The following SSC5D variants were observed in gnomAD, a reference collection of about 807,000 sequenced individuals.
SSC5D encodes the protein scavenger receptor cysteine rich family member with 5 domains.
Under a neutral mutation model 104.6 loss-of-function variants are expected in SSC5D, and 106 were observed. The observed-to-expected ratio is 1.01, with a 90% CI of 0.87 to 1.19. The LOEUF is 1.19. SSC5D is among the 50% of genes most tolerant of loss of function. The probability of loss-of-function intolerance (pLI) is 0.00; values close to 1 mark genes in which losing one functional copy is unlikely to be tolerated. For missense variants in SSC5D, 1,993 were observed against 2,153.8 expected (o/e 0.93, Z 1.48); for synonymous variants, 860 against 883.5 (o/e 0.97, Z 0.47).
chr19:55,490,240 C>G (rs1005896693), intron 4 of SSC5D, 58 bp from the exon 5 acceptor site: 33 of 673,292 alleles, frequency 4.9e-5, no homozygotes, highest in Middle Eastern at 6.2e-4. Context: ...CCTGGGCCCC[C>G]AGGTGGGAGG....
In SSC5D at chr19:55,503,901, T is replaced by A. The variant is rs571530424; in HGVS notation, c.2785+2700T>A. Among the ~76,000 whole-genome samples the A allele has an allele frequency of 1.3e-5, 2 of 152,342 alleles. No homozygotes were observed. Among genetic ancestry groups the A allele is most frequent in the African/African-American group, 4.8e-5 (2 of 41,586 alleles). The stretch of plus-strand genomic sequence containing the variant: ...GGACGGGATGGGGCAGGCGTTCATC[T>A]GCCTCGCACCTCGTGACGTCACAGG... On this transcript the variant is annotated intron_variant, in intron 12 of 13. Coordinates refer to ENST00000389623, the MANE Select transcript of SSC5D (RefSeq NM_001144950.2). This position sits in a 1 kb window ranked among gnomAD's most constrained non-coding sequence, Gnocchi z 4.0.
rs113708202 is a variant in SSC5D at position 55,516,063 on chromosome 19, G to T, written c.2948-1161G>T. Among the ~76,000 whole-genome samples, 1,515 of 152,068 alleles carry T rather than the reference G, an allele frequency of 1.0e-2. 23 individuals carry two copies. The highest frequency in any genetic ancestry group is 0.035 in the African/African-American group (1,447 of 41,418). ...GAAGACAGCCCCAGAAGAGGGTCAGGCTCCTCCTGCTACTCAGGCCCAAAA... is the reference window on the plus strand; with the variant it reads ...GAAGACAGCCCCAGAAGAGGGTCAGTCTCCTCCTGCTACTCAGGCCCAAAA... On this transcript the variant is annotated intron_variant, in intron 13 of 13. Coordinates refer to ENST00000389623, the MANE Select transcript of SSC5D (RefSeq NM_001144950.2).
In SSC5D at chr19:55,503,127, G is replaced by C. The variant is rs912043617; in HGVS notation, c.2785+1926G>C. On this transcript the variant is annotated intron_variant, in intron 12 of 13. Transcript: ENST00000389623. The surrounding 1 kb of genome is among the most constrained non-coding windows in gnomAD (Gnocchi z 4.0). Reference sequence around the variant, plus strand: ...TGCTCCCGGCCTGATTTTTTGTCGAGATGGGTTCTCACTATGTTGCCCAGG... The same window carrying C: ...TGCTCCCGGCCTGATTTTTTGTCGACATGGGTTCTCACTATGTTGCCCAGG... Among the ~76,000 whole-genome samples, 5 of 151,990 alleles carry C rather than the reference G, an allele frequency of 3.3e-5. No homozygotes were observed. The highest frequency in any genetic ancestry group is 6.6e-5 in the Admixed American group (1 of 15,246).
rs1299187923 is a variant in SSC5D at position 55,490,904 on chromosome 19, G to A, written c.719G>A (p.Gly240Asp). 1 of 1,545,588 alleles carries A rather than the reference G, an allele frequency of 6.5e-7. No homozygotes were observed. The highest frequency in any genetic ancestry group is 1.7e-4 in the Middle Eastern group (1 of 5,964). The change falls in exon 6 of 14, where the codon GGC becomes GAC. Residue 240 changes from glycine (G) to aspartate (D), a missense_variant. Transcript: ENST00000389623. Reference sequence around the variant, plus strand: ...GCTGCTGTAGCCTGCCGGGAACTGGGCTGTGGGGGGGCGCTGGCTGCCCCC... The same window carrying A: ...GCTGCTGTAGCCTGCCGGGAACTGGACTGTGGGGGGGCGCTGGCTGCCCCC... Reference protein sequence around the residue: ...RDAAVACRELGCGGALAAPGG... With the variant: ...RDAAVACRELDCGGALAAPGG...
intron 12 of SSC5D, chr19:55,504,182 C>T (rs1032336851): frequency 1.3e-6 from 2 of 1,535,056 alleles, no homozygotes; most frequent in East Asian, 4.9e-5. Flanking sequence ...GCAGCGCCTC[C>T]CTAGCCCATA....
At position 55,503,999 on chromosome 19, in the gene SSC5D, C is replaced by T. The variant is rs1987579125; in HGVS notation, c.2785+2798C>T. 7.0e-6 allele frequency: 7 copies of T among 1,001,186 alleles called. 1 individual carries two copies. Among genetic ancestry groups the T allele is most frequent in the East Asian group, 5.6e-5 (2 of 35,408 alleles). 62.0% of individuals were successfully genotyped at this position (1,001,186 alleles called of 1,614,324 possible). On this transcript the variant is annotated intron_variant, in intron 12 of 13. Transcript: ENST00000389623. The surrounding 1 kb of genome is among the most constrained non-coding windows in gnomAD (Gnocchi z 4.0). Reference sequence around the variant, plus strand: ...AATAGCTGGGCGAAGGGCAACCAGGCCCCAAGAAGCGGGCCTTGAGGTGGG... The same window carrying T: ...AATAGCTGGGCGAAGGGCAACCAGGTCCCAAGAAGCGGGCCTTGAGGTGGG...
Position 55,518,121 on chromosome 19 carries a change from A to G in SSC5D, c.3845A>G (p.His1282Arg), listed in dbSNP as rs945295246. 1 of 1,410,942 alleles carries G rather than the reference A, an allele frequency of 7.1e-7. No homozygotes were observed. Among genetic ancestry groups the G allele is most frequent in the Non-Finnish European group, 9.4e-7 (1 of 1,061,696 alleles). The allele number at this position is 1,410,942 out of a possible 1,614,324, so 87.4% of individuals were successfully genotyped here. The change falls in exon 14 of 14, where the codon CAC (histidine) becomes CGC (arginine). Residue 1282 changes from histidine (H) to arginine (R), a missense_variant. Around this residue, in one of 6 missense-constraint regions of SSC5D, gnomAD observed 349 missense variants for 397.6 expected, o/e 0.88. Transcript: ENST00000389623. The part of the protein sequence containing the change: ...TTMPHPTTTP[H>R]PTTTPHPTTT... The stretch of plus-strand genomic sequence containing the variant: ...ATGCCTCATCCCACCACGACCCCTC[A>G]CCCCACCACGACTCCTCACCCCACC...
rs200326882 is a variant in SSC5D, at chr19:55,489,872, C to G, written c.362-10C>G. 61 of 1,547,642 alleles carry G rather than the reference C, an allele frequency of 3.9e-5. No homozygotes were observed. The highest frequency in any genetic ancestry group is 1.7e-4 in the Middle Eastern group (1 of 6,010). ...TCCTCATAGCTTCTGTCCCTGCCCCCCCGCCGCAGGTCAGCGTGTGGCTAA... is the reference window on the plus strand; with the variant it reads ...TCCTCATAGCTTCTGTCCCTGCCCCGCCGCCGCAGGTCAGCGTGTGGCTAA... On this transcript the variant is annotated splice_polypyrimidine_tract_variant and intron_variant, in intron 3 of 13. Transcript: ENST00000389623.
chr19:55,504,831 C>T (rs542930344), intron 12 of SSC5D, among the ~76,000 whole-genome samples: 1 of 152,212 alleles, frequency 6.6e-6, no homozygotes, highest in South Asian at 2.1e-4. Flanking sequence ...AATGGGGCGC[C>T]AGGGTTGTTG....
chr19:55,515,933 C>G (rs2123459916), intron 13 of SSC5D, among the ~76,000 whole-genome samples: 1 of 152,094 alleles, frequency 6.6e-6, no homozygotes, highest in African/African-American at 2.4e-5. Flanking sequence ...CAAGTCTTAG[C>G]CCTGCAACTT....
rs546315942 is a variant in SSC5D, at chr19:55,494,957, G to A, written c.1387+174G>A. Among the ~76,000 whole-genome samples the A allele has an allele frequency of 2.6e-5, 4 of 152,146 alleles. No individual in the cohort carries two copies. The East Asian group carries it at 7.7e-4, about 29-fold the overall frequency. ...CAATGCTCTGCTGTTGCGTCTGGGA[G>A]CGTGTGATAATTCTTGAACAAGGGG... On this transcript the variant is annotated intron_variant, in intron 8 of 13. Transcript: ENST00000389623.
intron 13 of SSC5D, 98 bp from the exon 14 acceptor site, chr19:55,517,126 C>A: frequency 8.7e-7 from 1 of 1,149,410 alleles, no homozygotes; most frequent in Non-Finnish European, 1.2e-6. Flanking sequence ...AGGCTCTGTG[C>A]CTTTCCATTG....
chr19:55,509,180 C>T (rs1287573464), intron 12 of SSC5D, among the ~76,000 whole-genome samples: 1 of 152,158 alleles, frequency 6.6e-6, no homozygotes, highest in Non-Finnish European at 1.5e-5. Flanking sequence ...TCAGTTTGGC[C>T]ATCTTTGTGA....
At chr19:55,489,079 TC>T in intron 2 of SSC5D, 47 bp downstream of exon 2, 7 of 714,784 alleles carry the variant, frequency 9.8e-6, no homozygotes, top group Non-Finnish European at 1.1e-5. Flanking sequence ...CCCCCAGGCC[TC>T]CCCCTTCTGC....
chr19:55,514,709 T>C (rs191090608), intron 13 of SSC5D, among the ~76,000 whole-genome samples: 2 of 152,002 alleles, frequency 1.3e-5, no homozygotes, highest in Admixed American at 6.5e-5. Flanking sequence ...ATTTCTCAGA[T>C]GAGTGAAATT....
At position 55,515,498 on chromosome 19, in the gene SSC5D, C is replaced by T. The variant is rs7255006; in HGVS notation, c.2948-1726C>T. Reference sequence around the variant, plus strand: ...CTGTAATCCCAGCACTTTGGGAGGCCGAAGCGGGCGGATCACGAGGTCAGG... The same window carrying T: ...CTGTAATCCCAGCACTTTGGGAGGCTGAAGCGGGCGGATCACGAGGTCAGG... On this transcript the variant is annotated intron_variant, in intron 13 of 13. Coordinates refer to ENST00000389623, the MANE Select transcript of SSC5D (RefSeq NM_001144950.2). 2.2e-3 allele frequency among the ~76,000 whole-genome samples: 340 copies of T among 151,564 alleles called. 2 individuals are homozygous for T. The highest frequency in any genetic ancestry group is 8.0e-3 in the African/African-American group (329 of 41,294).
Position 55,500,418 on chromosome 19 carries a change from T to C in SSC5D, c.2302+6T>C. 1 of 1,549,774 alleles carries C rather than the reference T, an allele frequency of 6.5e-7. No individual in the cohort carries two copies. The highest frequency in any genetic ancestry group is 8.7e-7 in the Non-Finnish European group (1 of 1,145,744). ...TAGCACCACTGGGGAATCAGGTGAGTGGCCGTGAGGGGTGTGGGGAGAGAA... is the reference window on the plus strand; with the variant it reads ...TAGCACCACTGGGGAATCAGGTGAGCGGCCGTGAGGGGTGTGGGGAGAGAA... On this transcript the variant is annotated splice_donor_region_variant and intron_variant, in intron 10 of 13. Transcript: ENST00000389623. The surrounding 1 kb of genome is among the most constrained non-coding windows in gnomAD (Gnocchi z 4.6).
intron 9 of SSC5D, among the ~76,000 whole-genome samples, chr19:55,498,580 G>C (rs1987389947): frequency 6.6e-6 from 1 of 152,218 alleles, no homozygotes; most frequent in Non-Finnish European, 1.5e-5. Context: ...CTGGGAGATG[G>C]AAAGAAGCCA....
rs1018593122 is a variant in SSC5D, at chr19:55,489,510, C to T, written c.209C>T (p.Pro70Leu). The T allele has an allele frequency of 1.0e-5, 15 of 1,466,348 alleles. No homozygotes were observed. In the Admixed American group the frequency reaches 1.5e-4, roughly 15 times the overall value. 90.8% of individuals were successfully genotyped at this position (1,466,348 alleles called of 1,614,324 possible). A position where few individuals can be genotyped will look rare whatever the true frequency, so the allele number is the denominator to read the frequency against. Residue 70 changes from proline to leucine, a missense_variant, in exon 3 of 14, where the codon CCG becomes CTG. Pro to Leu is a moderately conservative substitution (Grantham distance 98). Coordinates refer to ENST00000389623, the MANE Select transcript of SSC5D (RefSeq NM_001144950.2). The stretch of plus-strand genomic sequence containing the variant: ...GGCTGCGGAGGGGCACTGGCCGCCC[C>T]GGGAGGCGCCTTCTTCGGGGAGGGG... ...QLGCGGALAA[P>L]GGAFFGEGAG... is the part of the protein sequence containing the mutation.
Sources: allele counts gnomAD v4.1 joint callset (sites outside exome capture counted in the v4.1 genomes callset), GRCh38; gene constraint gnomAD v4.1.1; regional missense constraint gnomAD v4.1.1; non-coding constraint Gnocchi (gnomAD v3.1); transcripts MANE v1.5; gene names NCBI Gene and HGNC (gene_info 2026-07-23, HGNC 2026-07-21).